The following PAIP1 variants were observed in gnomAD, a reference collection of about 807,000 sequenced individuals.
The protein encoded by PAIP1 is poly(A) binding protein interacting protein 1, also known as polyadenylate-binding protein-interacting protein 1.
In PAIP1, 16 loss-of-function variants were observed where a neutral mutation model predicts 61.3. The ratio of observed to expected loss-of-function variants is 0.26; its 90% CI spans 0.18 to 0.40. PAIP1 has a LOEUF of 0.40. PAIP1 is among the 10% of genes least tolerant of loss of function. The pLI is 1.00. For missense variants in PAIP1, 416 were observed against 600.9 expected (o/e 0.69, Z 3.22); for synonymous variants, 187 against 226.2 (o/e 0.83, Z 1.56).
intron 4 of PAIP1, among the ~76,000 whole-genome samples, chr5:43,539,708 CAG>C (rs960623444): frequency 3.9e-5 from 6 of 152,130 alleles, no homozygotes; most frequent in African/African-American, 1.4e-4. Context: ...TTGCTTCACA[CAG>C]AGGAGAAAAA....
intron 9 of PAIP1, among the ~76,000 whole-genome samples, chr5:43,530,736 T>C (rs1308247949): frequency 6.6e-6 from 1 of 152,152 alleles, no homozygotes; most frequent in Non-Finnish European, 1.5e-5. Flanking sequence ...TTTAAATGTA[T>C]GGATAAGTTC....
At chr5:43,545,062 T>TACA (rs199952883) in intron 3 of PAIP1, among the ~76,000 whole-genome samples, 2,722 of 152,332 alleles carry the variant, frequency 0.018, 85 homozygotes, top group African/African-American at 0.058. Flanking sequence ...AACCATGTAT[T>TACA]ACACTGCTTT....
intron 4 of PAIP1, among the ~76,000 whole-genome samples, chr5:43,542,759 A>C (rs756931520): frequency 1.2e-4 from 19 of 152,226 alleles, no homozygotes; most frequent in Non-Finnish European, 2.2e-4. Flanking sequence ...CAAAGTAATA[A>C]GAATTACATA....
chr5:43,548,931 G>A (rs1200635390), intron 2 of PAIP1, among the ~76,000 whole-genome samples: 2 of 152,166 alleles, frequency 1.3e-5, no homozygotes, highest in East Asian at 3.8e-4. Flanking sequence ...AATGCTCCAT[G>A]TTGGAGAAAG....
chr5:43,537,220 G>T (rs995995844), intron 5 of PAIP1, among the ~76,000 whole-genome samples: 4 of 152,056 alleles, frequency 2.6e-5, no homozygotes, highest in African/African-American at 9.7e-5. Context: ...TCTTTAGTTT[G>T]TTCAACTACC....
At chr5:43,531,276 G>T (rs1245622631) in intron 9 of PAIP1, among the ~76,000 whole-genome samples, 3 of 150,008 alleles carry the variant, frequency 2.0e-5, no homozygotes, top group East Asian at 3.9e-4. Flanking sequence ...AAACCATTTT[G>T]GACAGAGGTT....
chr5:43,538,692 C>T (rs747446599), intron 5 of PAIP1, among the ~76,000 whole-genome samples: 5 of 152,178 alleles, frequency 3.3e-5, no homozygotes, highest in African/African-American at 7.2e-5. Flanking sequence ...CCTAAAAGTA[C>T]GCAGATTTTT....
chr5:43,553,663 A>G (rs1265754127), intron 2 of PAIP1, among the ~76,000 whole-genome samples: 1 of 152,132 alleles, frequency 6.6e-6, no homozygotes, highest in East Asian at 1.9e-4. Context: ...ATTGAGAAAA[A>G]CTCTCTTAGC....
At chr5:43,537,308 A>G (rs1049854674) in intron 5 of PAIP1, among the ~76,000 whole-genome samples, 1 of 152,176 alleles carries the variant, frequency 6.6e-6, no homozygotes, top group Non-Finnish European at 1.5e-5. Context: ...AGAGTGGTAT[A>G]TGTATCTTAT....
chr5:43,540,327 T>C (rs943446918), intron 4 of PAIP1, among the ~76,000 whole-genome samples: 5 of 152,212 alleles, frequency 3.3e-5, no homozygotes, highest in African/African-American at 1.2e-4. Context: ...AAATCAGTTA[T>C]TTAAAAACAC....
intron 5 of PAIP1, among the ~76,000 whole-genome samples, chr5:43,537,958 C>A (rs896891933): frequency 7.0e-6 from 1 of 143,452 alleles, no homozygotes; most frequent in Non-Finnish European, 1.5e-5. Context: ...CACGTCACTG[C>A]ACTCCAGCCT....
chr5:43,543,242 C>A, intron 3 of PAIP1, 126 bp from the exon 4 acceptor site: 45 of 307,356 alleles, frequency 1.5e-4, no homozygotes, highest in Middle Eastern at 8.0e-4. Context: ...AGTCTTTTGT[C>A]ATTGTTAGGC....
chr5:43,536,767 T>G, intron 6 of PAIP1, 52 bp downstream of exon 6: 1 of 967,314 alleles, frequency 1.0e-6, no homozygotes, highest in African/African-American at 1.7e-5. Context: ...CTAACCTTCC[T>G]CTAAATCATA....
At chr5:43,531,634 GTAACAGA>G (rs1195047173) in intron 9 of PAIP1, among the ~76,000 whole-genome samples, 1 of 86,346 alleles carries the variant, frequency 1.2e-5, no homozygotes, top group Non-Finnish European at 2.6e-5. Flanking sequence ...CCCAGCCTGG[GTAACAGA>G]GTGAGACTCT....
chr5:43,556,759 C>G lies in PAIP1; in HGVS notation c.88G>C (p.Gly30Arg). The change falls in exon 1 of 11, where the codon GGT (glycine) becomes CGT (arginine). Residue 30 changes from glycine (G) to arginine (R), a missense_variant. Around this residue, in one of 4 missense-constraint regions of PAIP1, gnomAD observed 97 missense variants for 89.5 expected, o/e 1.08. Coordinates refer to ENST00000306846, the MANE Select transcript of PAIP1 (RefSeq NM_006451.5). ...GRGGGGPEGG[G>R]FPNGAGPAER... is the part of the protein sequence containing the mutation. ...GCAGGCCCCGCTCCGTTCGGGAAAC[C>G]GCCGCCCTCAGGCCCGCCCCCTCCG... 7 of 1,419,040 alleles carry G rather than the reference C, an allele frequency of 4.9e-6. No individual in the cohort carries two copies. Among genetic ancestry groups the G allele is most frequent in the Non-Finnish European group, 6.4e-6 (7 of 1,090,226 alleles). 87.9% of individuals were successfully genotyped at this position (1,419,040 alleles called of 1,614,324 possible). A position where few individuals can be genotyped will look rare whatever the true frequency, so the allele number is the denominator to read the frequency against.
At chr5:43,551,476 T>TA (rs1233806393) in intron 2 of PAIP1, among the ~76,000 whole-genome samples, 1 of 152,228 alleles carries the variant, frequency 6.6e-6, no homozygotes, top group Non-Finnish European at 1.5e-5. Flanking sequence ...ATTGACATTA[T>TA]AAAGTTGTGA....
chr5:43,543,310 C>CAAAAAAAAAAAAAAAAAAAAAAAAA (rs11427976), intron 3 of PAIP1, among the ~76,000 whole-genome samples, 194 bp from the exon 4 acceptor site: 1 of 96,044 alleles, frequency 1.0e-5, no homozygotes, highest in Admixed American at 1.0e-4. Flanking sequence ...ACAATAAGTA[C>CAAAAAAAAAAAAAAAAAAAAAAAAA]AAAAAAAAAA....
At chr5:43,551,686 G>A (rs879419777) in intron 2 of PAIP1, among the ~76,000 whole-genome samples, 3 of 150,792 alleles carry the variant, frequency 2.0e-5, no homozygotes, top group Non-Finnish European at 4.4e-5. Context: ...CTAATTTCCT[G>A]TTTCCATCAA....
chr5:43,545,914 C>T (rs1747618024), intron 3 of PAIP1, among the ~76,000 whole-genome samples: 1 of 152,024 alleles, frequency 6.6e-6, no homozygotes, highest in Admixed American at 6.6e-5. Flanking sequence ...GGATCACAGG[C>T]ATGCACCACC....
Sources: gnomAD v4.1 joint callset for allele counts (sites outside exome capture counted in the v4.1 genomes callset) on GRCh38, gnomAD v4.1.1 for gene constraint, gnomAD v4.1.1 regional missense constraint, MANE v1.5 for transcripts, NCBI Gene and HGNC (gene_info 2026-07-23, HGNC 2026-07-21) for gene names.